MAML1: variants seen among roughly 807,000 people sequenced by gnomAD.
MAML1 encodes mastermind-like protein 1.
Under a neutral mutation model 77.1 loss-of-function variants are expected in MAML1, and 14 were observed. The ratio of observed to expected loss-of-function variants is 0.18; its 90% CI spans 0.12 to 0.28. MAML1 has a LOEUF of 0.28. Ranked by LOEUF, MAML1 falls within the 10% of genes least tolerant of loss-of-function variation. MAML1 has a pLI of 1.00. For synonymous variants in MAML1, 516 were observed against 551.9 expected (o/e 0.93, Z 0.91); for missense variants, 1,217 against 1,327.8 (o/e 0.92, Z 1.30).
At chr5:179,736,290 G>C (rs1320937355) in intron 1 of MAML1, among the ~76,000 whole-genome samples, 1 of 151,466 alleles carries the variant, frequency 6.6e-6, no homozygotes, top group Admixed American at 6.6e-5. Flanking sequence ...GTTTCGCTTT[G>C]TCGCCAGGCT....
Position 179,769,147 on chromosome 5 carries a change from A to T in MAML1, c.1971+58A>T. The T allele has an allele frequency of 6.3e-7, 1 of 1,598,674 alleles. No individual in the cohort carries two copies. The highest frequency in any genetic ancestry group is 8.5e-7 in the Non-Finnish European group (1 of 1,171,274). On this transcript the variant is annotated intron_variant, in intron 3 of 4. Coordinates refer to ENST00000292599, the MANE Select transcript of MAML1 (RefSeq NM_014757.5). The surrounding 1 kb of genome is among the most constrained non-coding windows in gnomAD (Gnocchi z 4.2). ...CCCACCTTTGCCTGCACCCTGCGTCACTGCTACAGTCACACCTTCTGCTTG... is the reference window on the plus strand; with the variant it reads ...CCCACCTTTGCCTGCACCCTGCGTCTCTGCTACAGTCACACCTTCTGCTTG...
intron 1 of MAML1, among the ~76,000 whole-genome samples, chr5:179,750,816 G>A (rs1162025378): frequency 2.0e-5 from 3 of 152,098 alleles, no homozygotes; most frequent in Non-Finnish European, 4.4e-5. Context: ...AAAGAGAAAG[G>A]TGGGCAAGGA....
chr5:179,770,359 A>G (rs1264595006), intron 3 of MAML1, among the ~76,000 whole-genome samples: 3 of 152,170 alleles, frequency 2.0e-5, no homozygotes, highest in Non-Finnish European at 4.4e-5. Flanking sequence ...GAGGCAGGAG[A>G]ATGGCGTGAA....
At position 179,775,517 on chromosome 5, in the gene MAML1, G is replaced by C; in HGVS notation, c.*640G>C. 2 of 985,324 alleles carry C rather than the reference G, an allele frequency of 2.0e-6. No individual in the cohort carries two copies. The highest frequency in any genetic ancestry group is 2.4e-6 in the Non-Finnish European group (2 of 829,926). The allele number at this position is 985,324 out of a possible 1,614,324, so 61.0% of individuals were successfully genotyped here. On this transcript the variant is annotated 3_prime_UTR_variant, in exon 5 of 5. Coordinates refer to ENST00000292599, the MANE Select transcript of MAML1 (RefSeq NM_014757.5). ...TCCCTAAGTGCAGGCTGTTGACTGC[G>C]TATGCCAAAAAGGGACAGGAGGCAT... is the stretch of plus-strand genomic sequence containing the variant.
intron 1 of MAML1, among the ~76,000 whole-genome samples, chr5:179,758,966 C>T (rs1365473427): frequency 6.6e-6 from 1 of 151,958 alleles, no homozygotes; most frequent in African/African-American, 2.4e-5. Context: ...CCACTGCACT[C>T]CAACTGGGGC....
At chr5:179,762,932 T>G (rs1779749036) in intron 1 of MAML1, among the ~76,000 whole-genome samples, 1 of 152,258 alleles carries the variant, frequency 6.6e-6, no homozygotes, top group Admixed American at 6.5e-5. Flanking sequence ...AAAATTCAGT[T>G]GTTACATTGG....
At chr5:179,742,334 C>G (rs1779299096) in intron 1 of MAML1, among the ~76,000 whole-genome samples, 1 of 150,740 alleles carries the variant, frequency 6.6e-6, no homozygotes, top group Non-Finnish European at 1.5e-5. Flanking sequence ...ACTAAAAATA[C>G]AAAAATTAGC....
In MAML1 at chr5:179,774,228, C is replaced by A. The variant is rs888045905; in HGVS notation, c.2402C>A (p.Ser801Tyr). 6.2e-7 allele frequency: 1 copy of A among 1,613,290 alleles called. No individual in the cohort carries two copies. The highest frequency in any genetic ancestry group is 8.5e-7 in the Non-Finnish European group (1 of 1,179,906). ...TSVSAAYGQN[S>Y]LGSSGLSQQH... ...GTCTCAGCTGCCTATGGGCAGAACTCTCTGGGAAGCTCTGGCCTCTCCCAG... is the reference window on the plus strand; with the variant it reads ...GTCTCAGCTGCCTATGGGCAGAACTATCTGGGAAGCTCTGGCCTCTCCCAG... Residue 801 changes from serine (S) to tyrosine (Y), a missense_variant, in exon 5 of 5, where the codon TCT (serine) becomes TAT (tyrosine). Ser to Tyr is a moderately radical substitution (Grantham distance 144, BLOSUM62 -2). Transcript: ENST00000292599.
intron 1 of MAML1, among the ~76,000 whole-genome samples, chr5:179,737,945 C>T (rs1242520658): frequency 6.6e-6 from 1 of 152,152 alleles, no homozygotes; most frequent in Non-Finnish European, 1.5e-5. Context: ...TACAGGTGTG[C>T]ACCACCGCAC....
chr5:179,774,065 G>C lies in MAML1; in HGVS notation c.2239G>C (p.Gly747Arg). The C allele has an allele frequency of 6.2e-7, 1 of 1,614,114 alleles. No individual in the cohort carries two copies. The highest frequency in any genetic ancestry group is 8.5e-7 in the Non-Finnish European group (1 of 1,180,040). The part of the protein sequence containing the change: ...QQDRGVAQFP[G>R]SQNMPQSSLY... The stretch of plus-strand genomic sequence containing the variant: ...GGACCGGGGTGTGGCTCAGTTCCCT[G>C]GCTCCCAAAACATGCCTCAGAGCAG... Residue 747 changes from glycine to arginine, a missense_variant, in exon 5 of 5, where the codon GGC becomes CGC. Physicochemically the swap from Gly to Arg is moderately radical, Grantham distance 125. Coordinates refer to ENST00000292599, the MANE Select transcript of MAML1 (RefSeq NM_014757.5).
At chr5:179,758,160 G>A (rs1159227957) in intron 1 of MAML1, among the ~76,000 whole-genome samples, 1 of 152,148 alleles carries the variant, frequency 6.6e-6, no homozygotes, top group African/African-American at 2.4e-5. Context: ...AAACTACAGA[G>A]TTTTCTGGAA....
rs1400309791 is a variant in MAML1 at position 179,769,987 on chromosome 5, G to GT, written c.1971+899dup. 6.6e-6 allele frequency among the ~76,000 whole-genome samples: 1 copy of GT among 152,180 alleles called. No individual in the cohort carries two copies. Among genetic ancestry groups the GT allele is most frequent in the Non-Finnish European group, 1.5e-5 (1 of 68,022 alleles). On this transcript the variant is annotated intron_variant, in intron 3 of 4. Coordinates refer to ENST00000292599, the MANE Select transcript of MAML1 (RefSeq NM_014757.5). The surrounding 1 kb of genome is among the most constrained non-coding windows in gnomAD (Gnocchi z 4.2). ...CTCACACAGCATACACTTCACCCAC[G>GT]TAAGTGAACAATTTAGTCATTTTTA...
At chr5:179,770,158 T>G (rs1417927341) in intron 3 of MAML1, among the ~76,000 whole-genome samples, 4 of 152,108 alleles carry the variant, frequency 2.6e-5, no homozygotes, top group Non-Finnish European at 5.9e-5. Context: ...TCTATAATTG[T>G]CTGCTCTGGG....
intron 2 of MAML1, among the ~76,000 whole-genome samples, chr5:179,767,383 A>T (rs771570839): frequency 6.6e-6 from 1 of 152,204 alleles, no homozygotes; most frequent in Non-Finnish European, 1.5e-5. Flanking sequence ...TCATGAGGAA[A>T]TAGACACACT....
Position 179,775,633 on chromosome 5 carries a change from C to G in MAML1, c.*756C>G. 1 of 985,470 alleles carries G rather than the reference C, an allele frequency of 1.0e-6. No homozygotes were observed. The highest frequency in any genetic ancestry group is 1.2e-6 in the Non-Finnish European group (1 of 829,942). The allele number at this position is 985,470 out of a possible 1,614,324, so 61.0% of individuals were successfully genotyped here. ...CCCCAGGAATCCCTTCCTCCCATGT[C>G]CTGGCAGCAGGACCCCAGGCTACAT... On this transcript the variant is annotated 3_prime_UTR_variant, in exon 5 of 5. Coordinates refer to ENST00000292599, the MANE Select transcript of MAML1 (RefSeq NM_014757.5).
intron 1 of MAML1, among the ~76,000 whole-genome samples, chr5:179,738,806 G>T (rs1779223276): frequency 6.6e-6 from 1 of 151,412 alleles, no homozygotes; most frequent in African/African-American, 2.4e-5. Context: ...TTGGAGACAG[G>T]GTCTCACTGT....
At chr5:179,738,225 TCA>T (rs955666237) in intron 1 of MAML1, among the ~76,000 whole-genome samples, 18 of 152,160 alleles carry the variant, frequency 1.2e-4, no homozygotes, top group African/African-American at 4.1e-4. Flanking sequence ...TCTCTCTCTC[TCA>T]GACTTTTATT....
rs779628374 is a variant in MAML1 at position 179,774,261 on chromosome 5, A to G, written c.2435A>G (p.Asn812Ser). 7.4e-6 allele frequency: 12 copies of G among 1,613,368 alleles called. No homozygotes were observed. The highest frequency in any genetic ancestry group is 4.0e-5 in the African/African-American group (3 of 74,930). ...LGSSGLSQQHNKGTLNPGLTK... is the reference protein window; with the variant it reads ...LGSSGLSQQHSKGTLNPGLTK... ...AGCTCTGGCCTCTCCCAGCAGCACAATAAGGGGACCCTGAACCCTGGTTTA... is the reference window on the plus strand; with the variant it reads ...AGCTCTGGCCTCTCCCAGCAGCACAGTAAGGGGACCCTGAACCCTGGTTTA... The change falls in exon 5 of 5, where the codon AAT becomes AGT. Residue 812 changes from asparagine (N) to serine (S), a missense_variant. Coordinates refer to ENST00000292599, the MANE Select transcript of MAML1 (RefSeq NM_014757.5).
At position 179,773,599 on chromosome 5, in the gene MAML1, G is replaced by A. The variant is rs61682673; in HGVS notation, c.2069-296G>A. On this transcript the variant is annotated intron_variant, in intron 4 of 4. Coordinates refer to ENST00000292599, the MANE Select transcript of MAML1 (RefSeq NM_014757.5). ...TTGGGTCCACCTCAGAGTCCCCGGT[G>A]CCCACCACAGGGTCCCCACAGAGCA... is the stretch of plus-strand genomic sequence containing the variant. 5.2e-3 allele frequency: 1,655 copies of A among 315,928 alleles called. 45 individuals are homozygous for A. The highest frequency in any genetic ancestry group is 0.035 in the African/African-American group (1,552 of 44,456). The allele number at this position is 315,928 out of a possible 1,614,324, so 19.6% of individuals were successfully genotyped here. A position where few individuals can be genotyped will look rare whatever the true frequency, so the allele number is the denominator to read the frequency against.
Sources: allele counts gnomAD v4.1 joint callset (sites outside exome capture counted in the v4.1 genomes callset), GRCh38; gene constraint gnomAD v4.1.1; non-coding constraint Gnocchi (gnomAD v3.1); transcripts MANE v1.5; gene names NCBI Gene and HGNC (gene_info 2026-07-23, HGNC 2026-07-21).